CTC1: variants seen among roughly 807,000 people sequenced by gnomAD.
The protein encoded by CTC1 is CST complex subunit CTC1.
CTC1 carries 91 observed loss-of-function variants against 136.3 expected under a neutral mutation model. The ratio of observed to expected loss-of-function variants is 0.67; its 90% confidence interval spans 0.56 to 0.79. The LOEUF (loss-of-function observed/expected upper bound fraction) is 0.79. CTC1 is among the 30% of genes least tolerant of loss of function. The probability of loss-of-function intolerance (pLI) is 0.00; values close to 1 mark genes in which losing one functional copy is unlikely to be tolerated. For missense variants in CTC1, 1,432 were observed against 1,498.1 expected (o/e 0.96, Z 0.73); for synonymous variants, 606 against 613.8 (o/e 0.99, Z 0.19).
In CTC1 at chr17:8,234,547, G is replaced by A; in HGVS notation, c.1726C>T (p.Pro576Ser). ...SFDPKALLPL[P>S]EASYLPSCQL... is the part of the protein sequence containing the mutation. Reference sequence around the variant, plus strand: ...CAGCTGGGCAGGTAGGAGGCCTCCGGGAGGGGCAGAAGGGCCTTAGGGTCA... The same window carrying A: ...CAGCTGGGCAGGTAGGAGGCCTCCGAGAGGGGCAGAAGGGCCTTAGGGTCA... The change falls in exon 10 of 23, where the codon CCG (proline) becomes TCG (serine). Residue 576 changes from proline (P) to serine (S), a missense_variant. Pro to Ser is a moderately conservative substitution (Grantham distance 74, BLOSUM62 -1). Coordinates refer to ENST00000651323, the MANE Select transcript of CTC1 (RefSeq NM_025099.6). 1 of 1,579,128 alleles carries A rather than the reference G, an allele frequency of 6.3e-7. No individual in the cohort carries two copies. Among genetic ancestry groups the A allele is most frequent in the Non-Finnish European group, 8.6e-7 (1 of 1,161,888 alleles).
chr17:8,237,344 C>T, intron 5 of CTC1, 31 bp downstream of exon 5: 1 of 1,613,396 alleles, frequency 6.2e-7, no homozygotes, highest in Non-Finnish European at 8.5e-7. Context: ...CCCTCCCCCA[C>T]TTCCATGGCT....
chr17:8,238,329 C>G, intron 3 of CTC1, 63 bp downstream of exon 3: 1 of 1,569,774 alleles, frequency 6.4e-7, no homozygotes, highest in Non-Finnish European at 8.7e-7. Flanking sequence ...GACTTAATTG[C>G]CTTGATCCTT....
chr17:8,231,502 G>C (rs1987222901), intron 14 of CTC1, 33 bp from the exon 15 acceptor site: 1 of 1,562,366 alleles, frequency 6.4e-7, no homozygotes. Context: ...CTGCCTGTGA[G>C]TGTGTGCTAG....
intron 10 of CTC1, 89 bp from the exon 11 acceptor site, chr17:8,233,121 A>G: frequency 7.0e-7 from 1 of 1,437,908 alleles, no homozygotes; most frequent in Non-Finnish European, 9.5e-7. Context: ...TACATGGTAA[A>G]GCTACAAAAT....
chr17:8,234,896 C>A lies in CTC1; in HGVS notation c.1470G>T (p.Gln490His). 1 of 1,607,758 alleles carries A rather than the reference C, an allele frequency of 6.2e-7. No homozygotes were observed. The highest frequency in any genetic ancestry group is 8.5e-7 in the Non-Finnish European group (1 of 1,176,752). Residue 490 changes from glutamine (Q) to histidine (H), a missense_variant, in exon 9 of 23, where the codon CAG becomes CAT. Physicochemically the swap from Gln to His is conservative, Grantham distance 24. Coordinates refer to ENST00000651323, the MANE Select transcript of CTC1 (RefSeq NM_025099.6). Reference sequence around the variant, plus strand: ...TCCCAGGAGAGGAATGTTGCAGGAACTGGTGGTGTCTCAGCACATGGGGAC... The same window carrying A: ...TCCCAGGAGAGGAATGTTGCAGGAAATGGTGGTGTCTCAGCACATGGGGAC... ...KLCPHVLRHH[Q>H]FLQHSSPGSP...
chr17:8,236,476 A>C, intron 5 of CTC1, 134 bp from the exon 6 acceptor site: 2 of 868,748 alleles, frequency 2.3e-6, no homozygotes, highest in Non-Finnish European at 3.4e-6. Flanking sequence ...CATCTTCCCT[A>C]TGTCTGCCAA....
At chr17:8,247,922 A>T (rs1291227288) in intron 1 of CTC1, 82 bp downstream of exon 1, 10 of 1,454,602 alleles carry the variant, frequency 6.9e-6, no homozygotes, top group African/African-American at 1.4e-5. Context: ...GCCCAGAGAG[A>T]CAAGGCAGAG....
Position 8,227,644 on chromosome 17 carries a change from A to C in CTC1, c.*536T>G, listed in dbSNP as rs533538191. ...ACTCCCCAATTTACTTCCTTTACAG[A>C]CTGATTTTGGTACCATTTCTTCTGC... On this transcript the variant is annotated 3_prime_UTR_variant, in exon 23 of 23. Coordinates refer to ENST00000651323, the MANE Select transcript of CTC1 (RefSeq NM_025099.6). 64 of 154,242 alleles carry C rather than the reference A, an allele frequency of 4.1e-4. No homozygotes were observed. Among genetic ancestry groups the C allele is most frequent in the Non-Finnish European group, 7.6e-4 (53 of 69,420 alleles). The allele number at this position is 154,242 out of a possible 1,614,324, so 9.6% of individuals were successfully genotyped here.
chr17:8,244,138 T>C (rs1031793923), intron 1 of CTC1, among the ~76,000 whole-genome samples: 3 of 152,226 alleles, frequency 2.0e-5, no homozygotes, highest in African/African-American at 7.2e-5. Context: ...TAGTGGACAG[T>C]ACATAAAAAG....
Position 8,234,657 on chromosome 17 carries a change from T to A in CTC1, c.1618-2A>T, listed in dbSNP as rs762814920. The A allele has an allele frequency of 3.1e-6, 5 of 1,604,118 alleles. No individual in the cohort carries two copies. Among genetic ancestry groups the A allele is most frequent in the Non-Finnish European group, 4.3e-6 (5 of 1,173,724 alleles). Reference sequence around the variant, plus strand: ...GGAGGGAGTCTGCAGCCGAGTGTACTGTCAAGGAGGGAAGAGAAATCGGGT... The same window carrying A: ...GGAGGGAGTCTGCAGCCGAGTGTACAGTCAAGGAGGGAAGAGAAATCGGGT... On this transcript the variant is annotated splice_acceptor_variant, in intron 9 of 22. Transcript: ENST00000651323. LOFTEE classifies it high-confidence loss of function.
At chr17:8,230,523 ACT>A in intron 16 of CTC1, 38 bp downstream of exon 16, 1 of 1,613,402 alleles carries the variant, frequency 6.2e-7, no homozygotes, top group Non-Finnish European at 8.5e-7. Flanking sequence ...AAGTCCCATC[ACT>A]CTATTTCATA....
chr17:8,230,690 A>G (rs1987144185), intron 15 of CTC1, 39 bp from the exon 16 acceptor site: 2 of 1,543,314 alleles, frequency 1.3e-6, no homozygotes, highest in Middle Eastern at 1.7e-4. Flanking sequence ...TGGAGGCACA[A>G]GAAAGCACAG....
chr17:8,234,345 A>T (rs1987500401), intron 10 of CTC1, 110 bp downstream of exon 10: 6 of 1,056,588 alleles, frequency 5.7e-6, no homozygotes, highest in Non-Finnish European at 8.6e-6. Context: ...GTCTGCTTAG[A>T]AGGCTAGTGT....
At position 8,234,487 on chromosome 17, in the gene CTC1, A is replaced by AGAGCCAGGACC; in HGVS notation, c.1775_1785dup (p.Cys596GlyfsTer56). On this transcript the variant is annotated frameshift_variant, in exon 10 of 23. Transcript: ENST00000651323. LOFTEE classifies it high-confidence loss of function. ...GGGCAGAAGGCAGAGGGCAGCAGAC[A>AGAGCCAGGACC]GAGCCAGGACCAAGCCAGGCGGCGA... is the stretch of plus-strand genomic sequence containing the variant. 2 of 1,552,890 alleles carry AGAGCCAGGACC rather than the reference A, an allele frequency of 1.3e-6. No individual in the cohort carries two copies. Among genetic ancestry groups the AGAGCCAGGACC allele is most frequent in the Non-Finnish European group, 1.7e-6 (2 of 1,147,504 alleles).
intron 1 of CTC1, among the ~76,000 whole-genome samples, chr17:8,245,085 T>C (rs1324648579): frequency 6.6e-6 from 1 of 152,016 alleles, no homozygotes; most frequent in Non-Finnish European, 1.5e-5. Flanking sequence ...CACTTATAAG[T>C]GGGAGCTAAA....
chr17:8,230,086 C>T, intron 17 of CTC1, 118 bp from the exon 18 acceptor site: 1 of 1,068,952 alleles, frequency 9.4e-7, no homozygotes. Flanking sequence ...CATATCCTAG[C>T]CATGGCTCTA....
intron 12 of CTC1, 67 bp from the exon 13 acceptor site, chr17:8,232,294 C>T: frequency 1.9e-6 from 3 of 1,567,444 alleles, no homozygotes; most frequent in Non-Finnish European, 2.6e-6. Flanking sequence ...TCCCCAGCAT[C>T]CCACTCCTTC....
In CTC1 at chr17:8,227,080, C is replaced by T. The variant is rs561057139; in HGVS notation, c.*1100G>A. 5.3e-5 allele frequency: 8 copies of T among 150,804 alleles called. No individual in the cohort carries two copies. In the South Asian group the frequency reaches 6.1e-4, roughly 12 times the overall value. 9.3% of individuals were successfully genotyped at this position (150,804 alleles called of 1,614,324 possible). ...CTAACCGGCCACTAACTTTCCGGGT[C>T]TACTTCAAATCTTAATATAGGGTAT... On this transcript the variant is annotated 3_prime_UTR_variant, in exon 23 of 23. Coordinates refer to ENST00000651323, the MANE Select transcript of CTC1 (RefSeq NM_025099.6).
chr17:8,229,903 T>G lies in CTC1; in HGVS notation c.2999A>C (p.Glu1000Ala). The change falls in exon 18 of 23, where the codon GAG (glutamate) becomes GCG (alanine). Residue 1000 changes from glutamate (E) to alanine (A), a missense_variant. Physicochemically the swap from Glu to Ala is moderately radical, Grantham distance 107. Coordinates refer to ENST00000651323, the MANE Select transcript of CTC1 (RefSeq NM_025099.6). ...TYVQVLSFPP[E>A]TTISIPLPHI... ...TCTGGGCACTGACCTGATGGTGGTC[T>G]CAGGGGGAAAACTCAGGACCTGCAC... 6.2e-7 allele frequency: 1 copy of G among 1,614,058 alleles called. No individual in the cohort carries two copies. Among genetic ancestry groups the G allele is most frequent in the Non-Finnish European group, 8.5e-7 (1 of 1,179,980 alleles).
Sources: allele counts gnomAD v4.1 joint callset (sites outside exome capture counted in the v4.1 genomes callset), GRCh38; gene constraint gnomAD v4.1.1; transcripts MANE v1.5; gene names NCBI Gene and HGNC (gene_info 2026-07-23, HGNC 2026-07-21).